Variants in CCSER1 observed in about 807,000 individuals in gnomAD.
CCSER1 encodes serine-rich coiled-coil domain-containing protein 1.
In CCSER1, 41 loss-of-function variants were observed where a neutral mutation model predicts 82.0. The observed-to-expected ratio is 0.50, with a 90% confidence interval of 0.39 to 0.65. The LOEUF (loss-of-function observed/expected upper bound fraction) is 0.65. Ranked by LOEUF, CCSER1 falls within the 30% of genes least tolerant of loss-of-function variation. The probability of loss-of-function intolerance (pLI) is 0.00; values close to 1 mark genes in which losing one functional copy is unlikely to be tolerated. For synonymous variants in CCSER1, 414 were observed against 383.9 expected (o/e 1.08, Z -0.92); for missense variants, 1,119 against 1,064.2 (o/e 1.05, Z -0.72).
intron 7 of CCSER1, among the ~76,000 whole-genome samples, chr4:90,803,800 A>G (rs1757143508): frequency 6.6e-6 from 1 of 152,140 alleles, no homozygotes; most frequent in African/African-American, 2.4e-5. Context: ...GTCTTCCACA[A>G]TGGTTGAACT....
chr4:90,524,009 A>C lies in CCSER1; in HGVS notation c.1724+55655A>C, dbSNP rs567939865. Among the ~76,000 whole-genome samples, 7 of 152,252 alleles carry C rather than the reference A, an allele frequency of 4.6e-5. 2 individuals carry two copies. The highest frequency in any genetic ancestry group is 4.2e-4 in the South Asian group (2 of 4,816). On this transcript the variant is annotated intron_variant, in intron 5 of 10. Coordinates refer to ENST00000509176, the MANE Select transcript of CCSER1 (RefSeq NM_001145065.2). ...TTTCCATATATGACTAACAATTCTA[A>C]ATATCATTTGTAGTGTTCAAAGTCA...
intron 4 of CCSER1, among the ~76,000 whole-genome samples, chr4:90,402,004 T>A (rs1301891258): frequency 1.3e-5 from 2 of 152,168 alleles, no homozygotes; most frequent in Non-Finnish European, 2.9e-5. Flanking sequence ...ACCTCTGAAG[T>A]GTTCGTGTCC....
chr4:90,397,100 G>A (rs1388747243), intron 3 of CCSER1, among the ~76,000 whole-genome samples: 1 of 152,116 alleles, frequency 6.6e-6, no homozygotes, highest in African/African-American at 2.4e-5. Flanking sequence ...AGTTTCACCA[G>A]CTTCAAAGAT....
intron 1 of CCSER1, among the ~76,000 whole-genome samples, chr4:90,169,600 T>C (rs147225817): frequency 1.3e-5 from 2 of 152,178 alleles, no homozygotes; most frequent in East Asian, 3.9e-4. Context: ...CAGAAAGAAA[T>C]AGAATATCAT....
At chr4:91,268,160 T>G (rs1048080012) in intron 10 of CCSER1, among the ~76,000 whole-genome samples, 3 of 152,228 alleles carry the variant, frequency 2.0e-5, no homozygotes, top group Non-Finnish European at 4.4e-5. Flanking sequence ...TGTTAAAATT[T>G]GCATGGTAAA....
chr4:91,115,609 G>C (rs1487835382), intron 10 of CCSER1, among the ~76,000 whole-genome samples: 1 of 151,906 alleles, frequency 6.6e-6, no homozygotes, highest in Non-Finnish European at 1.5e-5. Flanking sequence ...ATAAAGACTA[G>C]AGAAATGTTC....
At chr4:91,183,384 A>G (rs1462340916) in intron 10 of CCSER1, among the ~76,000 whole-genome samples, 2 of 151,950 alleles carry the variant, frequency 1.3e-5, no homozygotes, top group East Asian at 3.8e-4. Context: ...TATCTGTAAA[A>G]AACATTTTCA....
chr4:90,372,032 C>T (rs978421670), intron 3 of CCSER1, among the ~76,000 whole-genome samples: 8 of 152,064 alleles, frequency 5.3e-5, no homozygotes, highest in African/African-American at 9.7e-5. Flanking sequence ...TGAAAGTTGA[C>T]GACTTGTTCA....
intron 6 of CCSER1, among the ~76,000 whole-genome samples, chr4:90,711,941 C>A (rs1416096384): frequency 1.3e-5 from 2 of 151,838 alleles, no homozygotes; most frequent in African/African-American, 4.8e-5. Flanking sequence ...TAGAATTCAG[C>A]TGTGAATCTG....
At chr4:90,245,626 T>G (rs1169372392) in intron 1 of CCSER1, among the ~76,000 whole-genome samples, 1 of 152,150 alleles carries the variant, frequency 6.6e-6, no homozygotes. Context: ...TTATGTTATA[T>G]TTCCAAATGG....
chr4:90,518,502 G>A (rs2153622440), intron 5 of CCSER1, among the ~76,000 whole-genome samples: 1 of 152,166 alleles, frequency 6.6e-6, no homozygotes, highest in East Asian at 1.9e-4. Flanking sequence ...CATGATAACT[G>A]TCATGAACTC....
intron 3 of CCSER1, among the ~76,000 whole-genome samples, chr4:90,372,180 A>G (rs1038419676): frequency 6.6e-6 from 1 of 152,168 alleles, no homozygotes; most frequent in African/African-American, 2.4e-5. Flanking sequence ...GGAAAAAATG[A>G]TGCTGAAATC....
At chr4:91,319,767 G>A (rs1388039354) in intron 10 of CCSER1, 2 of 454,830 alleles carry the variant, frequency 4.4e-6, no homozygotes, top group Non-Finnish European at 8.8e-6. Context: ...CCTGTCAGCT[G>A]CTTCTCTTAT....
chr4:90,320,192 C>T (rs1736888163), intron 3 of CCSER1, among the ~76,000 whole-genome samples: 1 of 152,018 alleles, frequency 6.6e-6, no homozygotes, highest in Non-Finnish European at 1.5e-5. Context: ...AATATAGCAC[C>T]TGGTGGAAAA....
rs527703031 is a variant in CCSER1 at position 90,918,733 on chromosome 4, G to A, written c.2095-4637G>A. 1.4e-4 allele frequency among the ~76,000 whole-genome samples: 21 copies of A among 149,352 alleles called. No homozygotes were observed. The South Asian group carries it at 1.7e-3, about 12-fold the overall frequency. ...ATAGACAAGATATGTCATGGAGTCA[G>A]ATTCTATGAATATCCAGTGTGTAAA... is the stretch of plus-strand genomic sequence containing the variant. On this transcript the variant is annotated intron_variant, in intron 8 of 10. Coordinates refer to ENST00000509176, the MANE Select transcript of CCSER1 (RefSeq NM_001145065.2).
At chr4:90,157,243 G>A (rs563070767) in intron 1 of CCSER1, among the ~76,000 whole-genome samples, 21 of 152,264 alleles carry the variant, frequency 1.4e-4, no homozygotes, top group Admixed American at 4.6e-4. Flanking sequence ...TGAGAGATCC[G>A]CTGTCAGTCT....
chr4:91,380,775 T>C (rs1295473189), intron 10 of CCSER1, among the ~76,000 whole-genome samples: 2 of 152,200 alleles, frequency 1.3e-5, no homozygotes, highest in African/African-American at 4.8e-5. Context: ...ATGTGTGAAT[T>C]TGATCCTGTC....
rs1578580461 is a variant in CCSER1 at position 91,482,653 on chromosome 4, A to C, written c.2218-115919A>C. Among the ~76,000 whole-genome samples, 3 of 152,220 alleles carry C rather than the reference A, an allele frequency of 2.0e-5. No individual in the cohort carries two copies. In the South Asian group the frequency reaches 6.2e-4, roughly 32 times the overall value. On this transcript the variant is annotated intron_variant, in intron 10 of 10. Transcript: ENST00000509176. ...TAAAGACACATGCACACGTATATATATTGTGGCACTATTCACAATAGCAAA... is the reference window on the plus strand; with the variant it reads ...TAAAGACACATGCACACGTATATATCTTGTGGCACTATTCACAATAGCAAA...
chr4:91,496,095 C>A lies in CCSER1; in HGVS notation c.2218-102477C>A, dbSNP rs80171305. Among the ~76,000 whole-genome samples, 143 of 151,596 alleles carry A rather than the reference C, an allele frequency of 9.4e-4. 3 individuals are homozygous for A. In the East Asian group the frequency reaches 0.023, roughly 25 times the overall value. ...TAGACAAATAACAGAGAGCAGAGTT[C>A]CTGAGAATCTCTAAGTGTCAACAGA... is the stretch of plus-strand genomic sequence containing the variant. On this transcript the variant is annotated intron_variant, in intron 10 of 10. Coordinates refer to ENST00000509176, the MANE Select transcript of CCSER1 (RefSeq NM_001145065.2).
Sources: allele counts gnomAD v4.1 joint callset (sites outside exome capture counted in the v4.1 genomes callset), GRCh38; gene constraint gnomAD v4.1.1; transcripts MANE v1.5; gene names NCBI Gene and HGNC (gene_info 2026-07-23, HGNC 2026-07-21).